TBC1D19: variants seen among roughly 807,000 people sequenced by gnomAD.
The protein encoded by TBC1D19 is TBC1 domain family member 19.
A neutral mutation model predicts 89.0 loss-of-function variants in TBC1D19; 60 were observed. The observed-to-expected ratio is 0.67, with a 90% CI of 0.55 to 0.84. The LOEUF (loss-of-function observed/expected upper bound fraction) is 0.84. Ranked by LOEUF, TBC1D19 falls within the 40% of genes least tolerant of loss-of-function variation. TBC1D19 has a pLI of 0.00. For synonymous variants in TBC1D19, 189 were observed against 199.7 expected, an observed-to-expected ratio of 0.95 and a Z score of 0.45; for missense variants, 500 against 610.8, an observed-to-expected ratio of 0.82 and a Z score of 1.91.
At chr4:26,817,981 A>AATATATATATATATATATATAT in the TBC1D19 span, among the ~76,000 whole-genome samples, 5 of 126,070 alleles carry the variant, frequency 4.0e-5, no homozygotes, top group African/African-American at 1.5e-4. Context: ...AAAAAAAAAA[A>AATATATATATATATATATATAT]ATATATATAT....
chr4:26,760,192 A>G (rs1190424793), downstream of TBC1D19, among the ~76,000 whole-genome samples: 2 of 152,188 alleles, frequency 1.3e-5, no homozygotes, highest in Admixed American at 6.5e-5. Context: ...GCATATTTTC[A>G]TACTTATTTG....
intron 9 of TBC1D19, among the ~76,000 whole-genome samples, chr4:26,669,164 G>C (rs1467466788): frequency 6.6e-6 from 1 of 151,588 alleles, no homozygotes; most frequent in Non-Finnish European, 1.5e-5. Context: ...TTAGATGAGG[G>C]TTCTACTAAA....
At chr4:26,585,239 T>C (rs577747856) in intron 1 of TBC1D19, 166 of 433,444 alleles carry the variant, frequency 3.8e-4, no homozygotes, top group African/African-American at 3.1e-3. Context: ...AAAGTGGCTG[T>C]ATCATTTTCC....
chr4:26,678,289 T>C (rs1713015891), intron 11 of TBC1D19, among the ~76,000 whole-genome samples: 1 of 152,252 alleles, frequency 6.6e-6, no homozygotes. Flanking sequence ...CCTAGAGATC[T>C]GTGTAACTTT....
Position 26,726,690 on chromosome 4 carries a change from C to A in TBC1D19, c.1084+6565C>A, listed in dbSNP as rs184982229. Among the ~76,000 whole-genome samples the A allele has an allele frequency of 3.7e-4, 56 of 152,234 alleles. No individual in the cohort carries two copies. The East Asian group carries it at 0.01, about 28-fold the overall frequency. ...GAATAAACAGAGGAATTGATTACTT[C>A]AACAAATGAATTAAATAAACTGTAC... On this transcript the variant is annotated intron_variant, in intron 15 of 20. Coordinates refer to ENST00000264866, the MANE Select transcript of TBC1D19 (RefSeq NM_018317.4).
intron 17 of TBC1D19, 42 bp from the exon 18 acceptor site, chr4:26,742,466 A>G: frequency 6.9e-7 from 1 of 1,456,718 alleles, no homozygotes; most frequent in Non-Finnish European, 9.3e-7. Context: ...ATTTTTAAAT[A>G]TTAAAATATC....
At chr4:26,703,101 C>G (rs1349478754) in intron 13 of TBC1D19, among the ~76,000 whole-genome samples, 1 of 152,040 alleles carries the variant, frequency 6.6e-6, no homozygotes, top group Non-Finnish European at 1.5e-5. Context: ...TTTCATCTGT[C>G]TAAATAAGCT....
At chr4:26,848,053 A>G in the TBC1D19 span, among the ~76,000 whole-genome samples, 3 of 152,358 alleles carry the variant, frequency 2.0e-5, no homozygotes, top group South Asian at 6.2e-4. Flanking sequence ...TTTGGTAGTC[A>G]TTAAGATACT....
At chr4:26,676,028 A>G (rs760208854) in intron 11 of TBC1D19, among the ~76,000 whole-genome samples, 1 of 152,206 alleles carries the variant, frequency 6.6e-6, no homozygotes, top group Non-Finnish European at 1.5e-5. Context: ...TATTTTAAAA[A>G]TTTTTAAATT....
At chr4:26,770,128 T>C in the TBC1D19 span, among the ~76,000 whole-genome samples, 1 of 150,556 alleles carries the variant, frequency 6.6e-6, no homozygotes, top group Non-Finnish European at 1.5e-5. Context: ...AAATAAAAAA[T>C]CTAAATACAA....
At chr4:26,744,057 A>T (rs966734438) in intron 18 of TBC1D19, among the ~76,000 whole-genome samples, 1 of 151,616 alleles carries the variant, frequency 6.6e-6, no homozygotes, top group African/African-American at 2.4e-5. Context: ...TTAATTTTGA[A>T]TTTAATTTCT....
chr4:26,719,821 G>T (rs1034637809), intron 14 of TBC1D19, among the ~76,000 whole-genome samples: 1 of 152,034 alleles, frequency 6.6e-6, no homozygotes, highest in African/African-American at 2.4e-5. Context: ...AGTGCCTAAG[G>T]AACTTGAAAG....
At chr4:26,735,434 G>T (rs1717983458) in intron 15 of TBC1D19, 21 bp from the exon 16 acceptor site, 3 of 1,419,276 alleles carry the variant, frequency 2.1e-6, no homozygotes, top group Middle Eastern at 2.0e-4. Flanking sequence ...TTATTGAAAA[G>T]AAATACCTTT....
intron 5 of TBC1D19, among the ~76,000 whole-genome samples, 176 bp downstream of exon 5, chr4:26,637,461 C>A (rs974372390): frequency 2.0e-5 from 3 of 152,124 alleles, no homozygotes; most frequent in Admixed American, 2.0e-4. Flanking sequence ...CAACCTCCGC[C>A]TCCTGGGTTC....
chr4:26,605,740 G>C (rs570348002), intron 1 of TBC1D19, among the ~76,000 whole-genome samples: 253 of 152,160 alleles, frequency 1.7e-3, no homozygotes, highest in African/African-American at 5.9e-3. Context: ...TTTAATGATC[G>C]CCATTCTAAC....
chr4:26,853,568 C>T, the TBC1D19 span, among the ~76,000 whole-genome samples: 773 of 152,004 alleles, frequency 5.1e-3, 9 homozygotes, highest in African/African-American at 0.018. Context: ...GACAGAGTCT[C>T]GCTCCGTCGC....
chr4:26,687,275 T>C (rs921739058), intron 12 of TBC1D19, among the ~76,000 whole-genome samples: 1 of 152,230 alleles, frequency 6.6e-6, no homozygotes, highest in Admixed American at 6.5e-5. Flanking sequence ...GATACTGTGC[T>C]AGGCATTTAC....
intron 16 of TBC1D19, among the ~76,000 whole-genome samples, chr4:26,737,763 G>C (rs922274322): frequency 1.3e-5 from 2 of 151,958 alleles, no homozygotes; most frequent in African/African-American, 4.8e-5. Context: ...TTAGTACTTT[G>C]CCATTTCAGT....
chr4:26,589,797 G>C (rs527539334), intron 1 of TBC1D19, among the ~76,000 whole-genome samples: 38 of 152,318 alleles, frequency 2.5e-4, no homozygotes, highest in Admixed American at 2.4e-3. Context: ...TTCAGAATGG[G>C]AGGGTTTCTG....
Sources: allele counts gnomAD v4.1 joint callset (sites outside exome capture counted in the v4.1 genomes callset), GRCh38; gene constraint gnomAD v4.1.1; transcripts MANE v1.5; gene names NCBI Gene and HGNC (gene_info 2026-07-23, HGNC 2026-07-21).